Variants in CHCHD3 observed in about 807,000 individuals in gnomAD.
The protein encoded by CHCHD3 is MICOS complex subunit MIC19.
Under a neutral mutation model 38.2 loss-of-function variants are expected in CHCHD3, and 20 were observed. The observed-to-expected ratio is 0.52, with a 90% confidence interval of 0.37 to 0.76. CHCHD3 has a LOEUF of 0.76. Ranked by LOEUF, CHCHD3 falls within the 30% of genes least tolerant of loss-of-function variation. The probability of loss-of-function intolerance (pLI) is 0.00; values close to 1 mark genes in which losing one functional copy is unlikely to be tolerated. For synonymous variants in CHCHD3, 82 were observed against 100.0 expected (o/e 0.82, Z 1.07); for missense variants, 245 against 279.2 (o/e 0.88, Z 0.87).
At chr7:132,928,939 T>C (rs1810450089) in intron 4 of CHCHD3, among the ~76,000 whole-genome samples, 1 of 152,112 alleles carries the variant, frequency 6.6e-6, no homozygotes, top group Non-Finnish European at 1.5e-5. Context: ...TTTTGCTCCA[T>C]CAACTTATTA....
chr7:132,988,152 T>C (rs559533861), intron 3 of CHCHD3, among the ~76,000 whole-genome samples: 2 of 152,224 alleles, frequency 1.3e-5, no homozygotes, highest in South Asian at 4.1e-4. Context: ...GGGATCAGTG[T>C]TCCTAACGCT....
At chr7:133,004,232 G>T (rs537394213) in intron 3 of CHCHD3, among the ~76,000 whole-genome samples, 14 of 152,310 alleles carry the variant, frequency 9.2e-5, no homozygotes, top group African/African-American at 3.1e-4. Context: ...AAAGTGCTGG[G>T]ATTACAGGCA....
At chr7:133,044,097 C>A (rs1044129504) in intron 2 of CHCHD3, among the ~76,000 whole-genome samples, 1 of 152,136 alleles carries the variant, frequency 6.6e-6, no homozygotes, top group African/African-American at 2.4e-5. Flanking sequence ...AAAGTTTAAA[C>A]TATGTAAATG....
intron 5 of CHCHD3, among the ~76,000 whole-genome samples, chr7:132,844,797 A>G (rs1165190066): frequency 6.6e-6 from 1 of 152,202 alleles, no homozygotes. Context: ...GGTAAACTAT[A>G]TCTAAAACAA....
At chr7:132,945,061 TC>T (rs1220723242) in intron 4 of CHCHD3, among the ~76,000 whole-genome samples, 2 of 151,984 alleles carry the variant, frequency 1.3e-5, no homozygotes, top group African/African-American at 4.8e-5. Flanking sequence ...TTTTACTTCC[TC>T]CTTTCCATGT....
intron 2 of CHCHD3, chr7:133,036,053 CAT>C (rs1813665769): frequency 1.4e-6 from 1 of 718,748 alleles, no homozygotes; most frequent in East Asian, 2.7e-5. Flanking sequence ...ATCCAACACA[CAT>C]GATGATTTCA....
At chr7:132,893,176 G>A (rs949841752) in intron 4 of CHCHD3, among the ~76,000 whole-genome samples, 6 of 152,334 alleles carry the variant, frequency 3.9e-5, no homozygotes, top group Middle Eastern at 3.4e-3. Flanking sequence ...ACACAGGGGC[G>A]AAGCTATCTA....
At chr7:132,836,634 C>T (rs1807789525) in intron 6 of CHCHD3, among the ~76,000 whole-genome samples, 1 of 151,952 alleles carries the variant, frequency 6.6e-6, no homozygotes, top group Non-Finnish European at 1.5e-5. Context: ...CTACAACTGG[C>T]TAATTTTTAA....
At chr7:132,883,631 G>A (rs1178275032) in intron 5 of CHCHD3, among the ~76,000 whole-genome samples, 8 of 152,168 alleles carry the variant, frequency 5.3e-5, no homozygotes, top group Non-Finnish European at 1.5e-5. Context: ...TTAGAACAGA[G>A]CCACACTCAT....
intron 6 of CHCHD3, among the ~76,000 whole-genome samples, chr7:132,827,507 A>C (rs1000689769): frequency 6.6e-6 from 1 of 152,228 alleles, no homozygotes; most frequent in African/African-American, 2.4e-5. Flanking sequence ...TCATGTTGGC[A>C]TGCAAAAAGT....
chr7:133,019,608 G>C lies in CHCHD3; in HGVS notation c.251+4938C>G, dbSNP rs757950199. Among the ~76,000 whole-genome samples the C allele has an allele frequency of 7.2e-5, 11 of 152,060 alleles. No homozygotes were observed. In the South Asian group the frequency reaches 1.7e-3, roughly 23 times the overall value. On this transcript the variant is annotated intron_variant, in intron 3 of 7. Coordinates refer to ENST00000262570, the MANE Select transcript of CHCHD3 (RefSeq NM_017812.4). ...TAACTTTCCAAATAACTAAAAGTGC[G>C]GGAAAAATCTCAACTAATGTCCATT... is the stretch of plus-strand genomic sequence containing the variant.
chr7:132,951,667 T>C (rs1811039148), intron 4 of CHCHD3, among the ~76,000 whole-genome samples: 1 of 152,198 alleles, frequency 6.6e-6, no homozygotes, highest in East Asian at 1.9e-4. Context: ...CCAGAACATA[T>C]CCCTGTCGCT....
intron 3 of CHCHD3, among the ~76,000 whole-genome samples, chr7:133,015,012 A>T (rs1353588681): frequency 2.0e-5 from 3 of 152,180 alleles, no homozygotes; most frequent in East Asian, 3.9e-4. Context: ...TTAAACTGCC[A>T]TTGTCACTGA....
At chr7:132,992,597 T>A (rs6956407) in intron 3 of CHCHD3, among the ~76,000 whole-genome samples, 8 of 152,110 alleles carry the variant, frequency 5.3e-5, no homozygotes, top group African/African-American at 1.9e-4. Flanking sequence ...TCATAAAATA[T>A]ACACTGGATT....
intron 6 of CHCHD3, among the ~76,000 whole-genome samples, chr7:132,835,070 A>T (rs2117090223): frequency 6.6e-6 from 1 of 151,710 alleles, no homozygotes; most frequent in East Asian, 1.9e-4. Flanking sequence ...TCCTAGGCTC[A>T]GGTGATCCTC....
chr7:132,892,285 T>C (rs1401765282), intron 4 of CHCHD3, among the ~76,000 whole-genome samples: 1 of 152,176 alleles, frequency 6.6e-6, no homozygotes, highest in Non-Finnish European at 1.5e-5. Context: ...AAGATAGATA[T>C]GAGGAACTTA....
At chr7:133,061,109 G>A (rs898242269) in intron 2 of CHCHD3, among the ~76,000 whole-genome samples, 1 of 152,036 alleles carries the variant, frequency 6.6e-6, no homozygotes, top group Non-Finnish European at 1.5e-5. Context: ...TGCTGGCTAT[G>A]TAAGAGATTT....
chr7:132,871,594 C>A (rs1191528621), intron 5 of CHCHD3, among the ~76,000 whole-genome samples: 1 of 152,214 alleles, frequency 6.6e-6, no homozygotes, highest in South Asian at 2.1e-4. Flanking sequence ...CAGTGCTACT[C>A]CGTTCTCACT....
chr7:132,815,959 C>T (rs1311072540), intron 6 of CHCHD3, among the ~76,000 whole-genome samples: 1 of 152,196 alleles, frequency 6.6e-6, no homozygotes, highest in Non-Finnish European at 1.5e-5. Context: ...CAATGAAATA[C>T]TGCAGGGAGC....
Sources: gnomAD v4.1 joint callset for allele counts (sites outside exome capture counted in the v4.1 genomes callset) on GRCh38, gnomAD v4.1.1 for gene constraint, MANE v1.5 for transcripts, NCBI Gene and HGNC (gene_info 2026-07-23, HGNC 2026-07-21) for gene names.